Variants in SMC2 observed in about 807,000 individuals in gnomAD.
SMC2 encodes structural maintenance of chromosomes 2, also known as structural maintenance of chromosomes protein 2.
A neutral mutation model predicts 142.6 loss-of-function variants in SMC2; 41 were observed. The observed-to-expected ratio is 0.29, with a 90% CI of 0.22 to 0.37. SMC2 has a LOEUF of 0.37. Ranked by LOEUF, SMC2 falls within the 10% of genes least tolerant of loss-of-function variation. The pLI, the probability that SMC2 is intolerant of heterozygous loss-of-function variation, is 1.00. For missense variants in SMC2, 1,265 were observed against 1,373.7 expected (o/e 0.92, Z 1.25); for synonymous variants, 463 against 457.5 (o/e 1.01, Z -0.15).
chr9:104,096,464 G>A (rs545550221), intron 3 of SMC2, among the ~76,000 whole-genome samples, 167 bp downstream of exon 3: 16 of 152,322 alleles, frequency 1.1e-4, no homozygotes, highest in Admixed American at 3.9e-4. Flanking sequence ...TCTTGATCAT[G>A]CACATTCTAT....
At chr9:104,115,565 A>T (rs1462014136) in intron 13 of SMC2, among the ~76,000 whole-genome samples, 1 of 151,820 alleles carries the variant, frequency 6.6e-6, no homozygotes, top group Admixed American at 6.6e-5. Flanking sequence ...TGCCTGGGCA[A>T]CAGAGGAAGA....
chr9:104,114,827 G>GAAGT lies in SMC2; in HGVS notation c.1671+3_1671+6dup. 3.8e-6 allele frequency: 6 copies of GAAGT among 1,590,084 alleles called. No homozygotes were observed. Among genetic ancestry groups the GAAGT allele is most frequent in the African/African-American group, 2.7e-5 (2 of 73,292 alleles). On this transcript the variant is annotated frameshift_variant and splice_region_variant, in exon 13 of 25. Coordinates refer to ENST00000374793, the MANE Select transcript of SMC2 (RefSeq NM_006444.3). LOFTEE classifies it high-confidence loss of function. ...ACTCTACAATGTTGTAGTAGACACA[G>GAAGT]AAGTAAGTTGATTTTAATTTTAAAA... is the stretch of plus-strand genomic sequence containing the variant.
chr9:104,116,361 T>C (rs1449432569), intron 14 of SMC2, 42 bp downstream of exon 14: 2 of 1,541,352 alleles, frequency 1.3e-6, no homozygotes, highest in Admixed American at 4.5e-5. Flanking sequence ...AATCGTCATC[T>C]GTGGTTTTTT....
intron 20 of SMC2, among the ~76,000 whole-genome samples, chr9:104,127,757 T>C (rs1269767641): frequency 6.6e-6 from 1 of 152,144 alleles, no homozygotes; most frequent in Non-Finnish European, 1.5e-5. Flanking sequence ...AAATAACTTT[T>C]CACCTCCAAA....
At chr9:104,116,947 G>GT (rs995209926) in intron 14 of SMC2, among the ~76,000 whole-genome samples, 2 of 152,146 alleles carry the variant, frequency 1.3e-5, no homozygotes, top group East Asian at 1.9e-4. Flanking sequence ...TGTAATATCA[G>GT]TTTTTTTATT....
rs779296723 is a variant in SMC2, at chr9:104,100,443, G to A, written c.636+10G>A. ...TCAAAAATTAAAAGAGGTATATTCT[G>A]TATATGTGAGGATAATCTATTAGAA... is the stretch of plus-strand genomic sequence containing the variant. On this transcript the variant is annotated intron_variant, in intron 7 of 24. Coordinates refer to ENST00000374793, the MANE Select transcript of SMC2 (RefSeq NM_006444.3). 2.8e-6 allele frequency: 4 copies of A among 1,439,494 alleles called. No homozygotes were observed. The highest frequency in any genetic ancestry group is 3.9e-6 in the Non-Finnish European group (4 of 1,030,480). 89.2% of individuals were successfully genotyped at this position (1,439,494 alleles called of 1,614,324 possible). A position where few individuals can be genotyped will look rare whatever the true frequency, so the allele number is the denominator to read the frequency against.
At chr9:104,122,472 T>G (rs1292970859) in intron 16 of SMC2, among the ~76,000 whole-genome samples, 3 of 134,782 alleles carry the variant, frequency 2.2e-5, no homozygotes, top group South Asian at 4.2e-4. Context: ...TAAGTTTTGT[T>G]TTTTTTTTTT....
intron 14 of SMC2, among the ~76,000 whole-genome samples, chr9:104,116,947 G>A (rs1833182627): frequency 6.6e-6 from 1 of 152,146 alleles, no homozygotes; most frequent in African/African-American, 2.4e-5. Flanking sequence ...TGTAATATCA[G>A]TTTTTTTATT....
rs762922993 is a variant in SMC2, at chr9:104,095,445, A to G, written c.61A>G (p.Asn21Asp). The G allele has an allele frequency of 1.8e-5, 29 of 1,613,818 alleles. No individual in the cohort carries two copies. Among genetic ancestry groups the G allele is most frequent in the Non-Finnish European group, 2.2e-5 (26 of 1,179,896 alleles). The stretch of plus-strand genomic sequence containing the variant: ...GTCCTATGCTCAGAGGACCGAAGTC[A>G]ATGGTTTTGACCCCCTCTTCAATGC... ...FKSYAQRTEVNGFDPLFNAIT... is the reference protein window; with the variant it reads ...FKSYAQRTEVDGFDPLFNAIT... Residue 21 changes from asparagine (N) to aspartate (D), a missense_variant, in exon 2 of 25, where the codon AAT becomes GAT. Asn to Asp is a conservative substitution (Grantham distance 23, BLOSUM62 1). Around this residue, in one of 4 missense-constraint regions of SMC2, gnomAD observed 168 missense variants for 184.8 expected, o/e 0.91. Coordinates refer to ENST00000374793, the MANE Select transcript of SMC2 (RefSeq NM_006444.3).
chr9:104,113,108 A>G (rs1832675655), intron 10 of SMC2, among the ~76,000 whole-genome samples: 1 of 152,128 alleles, frequency 6.6e-6, no homozygotes, highest in South Asian at 2.1e-4. Flanking sequence ...TTACATATTA[A>G]TCATATATTA....
Position 104,103,592 on chromosome 9 carries a change from G to A in SMC2, c.1020+1019G>A, listed in dbSNP as rs571794078. Reference sequence around the variant, plus strand: ...AGGAGGTCGCCTTCGCGAGAACTAGGAATAGGTCATCCATGGTAACAGAAG... The same window carrying A: ...AGGAGGTCGCCTTCGCGAGAACTAGAAATAGGTCATCCATGGTAACAGAAG... On this transcript the variant is annotated intron_variant, in intron 9 of 24. Coordinates refer to ENST00000374793, the MANE Select transcript of SMC2 (RefSeq NM_006444.3). 5.3e-5 allele frequency among the ~76,000 whole-genome samples: 8 copies of A among 152,168 alleles called. No individual in the cohort carries two copies. The South Asian group carries it at 1.7e-3, about 31-fold the overall frequency.
intron 9 of SMC2, among the ~76,000 whole-genome samples, chr9:104,110,435 A>G (rs1832299128): frequency 6.6e-6 from 1 of 152,064 alleles, no homozygotes; most frequent in Admixed American, 6.5e-5. Flanking sequence ...AGAATACAGT[A>G]TATAATGTAG....
At chr9:104,138,243 A>G in intron 24 of SMC2, 78 bp downstream of exon 24, 1 of 1,178,192 alleles carries the variant, frequency 8.5e-7, no homozygotes, top group East Asian at 2.5e-5. Flanking sequence ...TTAGTAGTCA[A>G]TGTTAATAAG....
chr9:104,117,484 T>TA, intron 14 of SMC2, among the ~76,000 whole-genome samples: 1 of 152,336 alleles, frequency 6.6e-6, no homozygotes, highest in East Asian at 1.9e-4. Context: ...GTGATCAAAA[T>TA]AGAGGACTGG....
intron 2 of SMC2, 102 bp downstream of exon 2, chr9:104,095,654 C>T: frequency 2.2e-6 from 2 of 919,122 alleles, no homozygotes; most frequent in Non-Finnish European, 3.3e-6. Context: ...TGTTTTTATA[C>T]TTTTTGTAAA....
At position 104,102,068 on chromosome 9, in the gene SMC2, T is replaced by C; in HGVS notation, c.745T>C (p.Ser249Pro). The C allele has an allele frequency of 6.2e-7, 1 of 1,609,556 alleles. No individual in the cohort carries two copies. The highest frequency in any genetic ancestry group is 8.5e-7 in the Non-Finnish European group (1 of 1,176,302). The change falls in exon 8 of 25, where the codon TCA becomes CCA. Residue 249 changes from serine to proline, a missense_variant. Ser to Pro is a moderately conservative substitution (Grantham distance 74). Transcript: ENST00000374793. Reference protein sequence around the residue: ...FLLAEDTKVRSAEELKEMQDK... With the variant: ...FLLAEDTKVRPAEELKEMQDK... ...GCTGGCTGAAGATACCAAAGTACGC[T>C]CAGCTGAGGAATTAAAAGAAATGCA...
intron 14 of SMC2, among the ~76,000 whole-genome samples, chr9:104,116,819 G>A (rs1045189500): frequency 6.6e-5 from 10 of 152,138 alleles, no homozygotes; most frequent in African/African-American, 1.7e-4. Context: ...AACTGCTGAC[G>A]TTGATCTAAA....
Position 104,127,312 on chromosome 9 carries a change from G to A in SMC2, c.2622G>A (p.Glu874=). 4.4e-6 allele frequency: 7 copies of A among 1,593,864 alleles called. No homozygotes were observed. The highest frequency in any genetic ancestry group is 6.0e-6 in the Non-Finnish European group (7 of 1,169,448). The change falls in exon 20 of 25, where the codon GAG becomes GAA. Residue 874 remains glutamate, a synonymous_variant. Coordinates refer to ENST00000374793, the MANE Select transcript of SMC2 (RefSeq NM_006444.3). ...NKESVNKAQE[E]VTKQKEVITA... is the part of the protein sequence containing the mutation. Reference sequence around the variant, plus strand: ...AGTCAGTAAATAAAGCTCAAGAAGAGGTGACCAAGCAAAAAGAGGTGATAA... The same window carrying A: ...AGTCAGTAAATAAAGCTCAAGAAGAAGTGACCAAGCAAAAAGAGGTGATAA...
chr9:104,134,347 A>G (rs1055120382), intron 22 of SMC2, 68 bp from the exon 23 acceptor site: 6 of 1,214,958 alleles, frequency 4.9e-6, no homozygotes, highest in African/African-American at 1.5e-5. Context: ...TTGCATATAC[A>G]TATATCAACA....
Sources: gnomAD v4.1 joint callset for allele counts (sites outside exome capture counted in the v4.1 genomes callset) on GRCh38, gnomAD v4.1.1 for gene constraint, gnomAD v4.1.1 regional missense constraint, MANE v1.5 for transcripts, NCBI Gene and HGNC (gene_info 2026-07-23, HGNC 2026-07-21) for gene names.